ERG: variants seen among roughly 807,000 people sequenced by gnomAD.
The protein encoded by ERG is transcriptional regulator ERG.
Under a neutral mutation model 55.3 loss-of-function variants are expected in ERG, and 9 were observed. That is an observed-to-expected ratio of 0.16 (90% confidence interval 0.10 to 0.28). The LOEUF is 0.28. Among genes scored for constraint, ERG ranks in the 10% least tolerant of loss-of-function variants. ERG has a pLI of 1.00. For missense variants in ERG, 434 were observed against 631.6 expected, an observed-to-expected ratio of 0.69 and a Z score of 3.35; for synonymous variants, 223 against 237.3, an observed-to-expected ratio of 0.94 and a Z score of 0.55.
chr21:38,386,029 T>C (rs1458699285), intron 9 of ERG, among the ~76,000 whole-genome samples: 1 of 152,246 alleles, frequency 6.6e-6, no homozygotes. Context: ...GCATTGCCTC[T>C]TAGCAATTTG....
chr21:38,485,700 C>T (rs1188516092), intron 1 of ERG, among the ~76,000 whole-genome samples: 6 of 151,034 alleles, frequency 4.0e-5, no homozygotes, highest in Non-Finnish European at 8.9e-5. Flanking sequence ...CCTCGTGATC[C>T]GCCCACCTCG....
chr21:38,466,657 T>C (rs1222683047), intron 1 of ERG, among the ~76,000 whole-genome samples: 1 of 152,140 alleles, frequency 6.6e-6, no homozygotes, highest in Non-Finnish European at 1.5e-5. Flanking sequence ...CTTCATATGA[T>C]AAAATAGTTA....
At chr21:38,400,491 T>C in intron 6 of ERG, 83 bp downstream of exon 6, 1 of 1,067,894 alleles carries the variant, frequency 9.4e-7, no homozygotes, top group South Asian at 1.2e-5. Flanking sequence ...GCTCTCTTTG[T>C]ATCACGTGAC....
chr21:38,402,834 A>G (rs537939420), intron 4 of ERG, among the ~76,000 whole-genome samples, 197 bp from the exon 5 acceptor site: 1 of 152,260 alleles, frequency 6.6e-6, no homozygotes, highest in African/African-American at 2.4e-5. Context: ...GCATGTTAAA[A>G]CCTACATGGG....
chr21:38,661,214 C>G (rs562544160), intron 1 of ERG, among the ~76,000 whole-genome samples: 1 of 152,128 alleles, frequency 6.6e-6, no homozygotes, highest in African/African-American at 2.4e-5. Context: ...GGTGCGCGCT[C>G]CTCCTAACTC....
intron 1 of ERG, among the ~76,000 whole-genome samples, chr21:38,655,098 G>A (rs540776894): frequency 1.3e-5 from 2 of 152,196 alleles, no homozygotes; most frequent in Admixed American, 6.5e-5. Flanking sequence ...CATTTTGCTA[G>A]TACATCCTTC....
chr21:38,573,757 G>A (rs997085242), intron 2 of ERG, among the ~76,000 whole-genome samples: 5 of 152,210 alleles, frequency 3.3e-5, no homozygotes, highest in Non-Finnish European at 5.9e-5. Context: ...GGTATGCTGA[G>A]CGCCGGTCCC....
At chr21:38,589,232 G>A (rs149824698), upstream of ERG, among the ~76,000 whole-genome samples, 199 of 152,304 alleles carry the variant, frequency 1.3e-3, no homozygotes, top group African/African-American at 4.5e-3. Flanking sequence ...CCCCACGTGC[G>A]TGACAGCAGC....
chr21:38,651,826 G>C (rs2060490416), intron 1 of ERG, among the ~76,000 whole-genome samples: 1 of 152,136 alleles, frequency 6.6e-6, no homozygotes, highest in Non-Finnish European at 1.5e-5. Context: ...GCATCCGCCT[G>C]CCTGGTTCTG....
intron 1 of ERG, among the ~76,000 whole-genome samples, chr21:38,477,977 TAG>T (rs2059204475): frequency 6.6e-6 from 1 of 152,264 alleles, no homozygotes; most frequent in Non-Finnish European, 1.5e-5. Context: ...GCTATCAAAA[TAG>T]TCCATCCTAA....
chr21:38,395,824 T>C (rs1226475218), intron 6 of ERG, among the ~76,000 whole-genome samples: 1 of 152,168 alleles, frequency 6.6e-6, no homozygotes, highest in Non-Finnish European at 1.5e-5. Flanking sequence ...AATACAACAT[T>C]CTGGCTACCC....
At chr21:38,515,347 C>G (rs886369045) in intron 2 of ERG, among the ~76,000 whole-genome samples, 1 of 151,862 alleles carries the variant, frequency 6.6e-6, no homozygotes, top group Non-Finnish European at 1.5e-5. Context: ...CATTTCTGAA[C>G]ACATACAACC....
At chr21:38,425,905 G>A (rs1229333852) in intron 2 of ERG, among the ~76,000 whole-genome samples, 1 of 152,238 alleles carries the variant, frequency 6.6e-6, no homozygotes, top group Non-Finnish European at 1.5e-5. Context: ...TAGCTGGGAT[G>A]TGGACAGGAA....
chr21:38,380,381 C>T lies in ERG; in HGVS notation c.*3022G>A. The T allele has an allele frequency of 9.4e-7, 1 of 1,061,386 alleles. No individual in the cohort carries two copies. The highest frequency in any genetic ancestry group is 5.1e-5 in the East Asian group (1 of 19,602). The allele number at this position is 1,061,386 out of a possible 1,614,324, so 65.7% of individuals were successfully genotyped here. A position where few individuals can be genotyped will look rare whatever the true frequency, so the allele number is the denominator to read the frequency against. On this transcript the variant is annotated 3_prime_UTR_variant, in exon 10 of 10. Coordinates refer to ENST00000288319, the MANE Select transcript of ERG (RefSeq NM_182918.4). ...CTGACAAAGCACTTTGTGAACCCCT[C>T]CGGGACATAAGGGCATCAAACTAGG...
At chr21:38,480,513 C>G (rs766785861) in intron 1 of ERG, among the ~76,000 whole-genome samples, 7 of 79,760 alleles carry the variant, frequency 8.8e-5, no homozygotes, top group Non-Finnish European at 2.0e-4. Flanking sequence ...TTTGTCACAG[C>G]TATCCTGAGA....
chr21:38,568,944 G>A (rs1289766044), intron 2 of ERG, among the ~76,000 whole-genome samples: 1 of 152,196 alleles, frequency 6.6e-6, no homozygotes, highest in Non-Finnish European at 1.5e-5. Flanking sequence ...AGAAGCAGCG[G>A]CTGCTGAACA....
chr21:38,491,206 T>TA lies in ERG; in HGVS notation c.18+7156dup, dbSNP rs113260996. Among the ~76,000 whole-genome samples the TA allele has an allele frequency of 2.7e-3, 339 of 124,228 alleles. 1 individual carries two copies. The highest frequency in any genetic ancestry group is 8.2e-3 in the African/African-American group (256 of 31,234). 81.5% of individuals were successfully genotyped at this position (124,228 alleles called of 152,430 possible). On this transcript the variant is annotated intron_variant, in intron 1 of 9. Coordinates refer to ENST00000288319, the MANE Select transcript of ERG (RefSeq NM_182918.4). ...AGCATCATGTGCACACTGTCAAAAT[T>TA]AAAAAAAAAAAAAAAAAGACCCAAT...
chr21:38,534,924 G>A (rs2059698320), intron 2 of ERG, among the ~76,000 whole-genome samples: 1 of 152,092 alleles, frequency 6.6e-6, no homozygotes, highest in Non-Finnish European at 1.5e-5. Flanking sequence ...CAATATAGAT[G>A]AATCTTTTTT....
chr21:38,526,087 G>A lies in ERG; in HGVS notation c.-41+49575C>T, dbSNP rs183339574. On this transcript the variant is annotated intron_variant, in intron 2 of 8. Coordinates refer to the ERG transcript ENST00000398897. ...GAGAGGGACTAAGAAATGTGATGGC[G>A]TGGTCTGTTACATGTGCAGGTGCTG... Among the ~76,000 whole-genome samples, 638 of 152,276 alleles carry A rather than the reference G, an allele frequency of 4.2e-3. 6 individuals are homozygous for A. Among genetic ancestry groups the A allele is most frequent in the African/African-American group, 0.015 (603 of 41,546 alleles).
Sources: allele counts gnomAD v4.1 joint callset (sites outside exome capture counted in the v4.1 genomes callset), GRCh38; gene constraint gnomAD v4.1.1; transcripts MANE v1.5; gene names NCBI Gene and HGNC (gene_info 2026-07-23, HGNC 2026-07-21).